Variants in VWF observed in about 807,000 individuals in gnomAD.
VWF encodes Factor VIII related antigen.
A neutral mutation model predicts 308.6 loss-of-function variants in VWF; 176 were observed. That is an observed-to-expected ratio of 0.57 (90% CI 0.50 to 0.65). VWF has a LOEUF of 0.65. Ranked by LOEUF, VWF falls within the 30% of genes least tolerant of loss-of-function variation. VWF has a pLI of 0.00. For missense variants in VWF, 3,146 were observed against 3,648.2 expected, an observed-to-expected ratio of 0.86 and a Z score of 3.55; for synonymous variants, 1,385 against 1,443.4, an observed-to-expected ratio of 0.96 and a Z score of 0.92.
chr12:6,080,116 T>C (rs567545497), intron 6 of VWF, among the ~76,000 whole-genome samples: 1 of 152,288 alleles, frequency 6.6e-6, no homozygotes, highest in East Asian at 1.9e-4. Context: ...CTCCCCACTC[T>C]GCCGAGTTAG....
chr12:6,095,627 T>C (rs373224424), intron 5 of VWF, 43 bp from the exon 6 acceptor site: 2 of 1,613,782 alleles, frequency 1.2e-6, no homozygotes, highest in Non-Finnish European at 1.7e-6. Context: ...CAGTTATGCC[T>C]GTCCCAGAAC....
intron 42 of VWF, among the ~76,000 whole-genome samples, chr12:5,976,671 C>T (rs1943536922): frequency 1.3e-5 from 2 of 152,018 alleles, no homozygotes; most frequent in African/African-American, 4.8e-5. Flanking sequence ...TGCCCACTTA[C>T]GAGCAAATTG....
chr12:5,977,535 G>A (rs1203134705), intron 42 of VWF, among the ~76,000 whole-genome samples: 1 of 152,090 alleles, frequency 6.6e-6, no homozygotes, highest in Non-Finnish European at 1.5e-5. Context: ...AAATATACAT[G>A]TATAAAATTC....
chr12:6,114,424 T>C (rs980625946), intron 3 of VWF, among the ~76,000 whole-genome samples: 1 of 152,038 alleles, frequency 6.6e-6, no homozygotes, highest in African/African-American at 2.4e-5. Context: ...GTTTGTAAAG[T>C]AAGGCCTGCA....
At chr12:5,964,269 T>TGC (rs1943368824) in intron 47 of VWF, among the ~76,000 whole-genome samples, 3 of 144,724 alleles carry the variant, frequency 2.1e-5, no homozygotes, top group African/African-American at 8.6e-5. Flanking sequence ...CATACATACA[T>TGC]ACATGCATAC....
intron 15 of VWF, 59 bp downstream of exon 15, chr12:6,056,798 G>T (rs1453983181): frequency 2.3e-6 from 3 of 1,292,958 alleles, no homozygotes; most frequent in African/African-American, 3.1e-5. Context: ...GCTTCGAAAA[G>T]CACACGTGGA....
chr12:6,057,792 TA>T, intron 14 of VWF, 56 bp downstream of exon 14: 1 of 1,546,442 alleles, frequency 6.5e-7, no homozygotes, highest in Non-Finnish European at 8.7e-7. Flanking sequence ...CGCACTGCAC[TA>T]ATGTGGAGAC....
chr12:6,049,152 C>T (rs1263407495), intron 16 of VWF, among the ~76,000 whole-genome samples: 1 of 152,220 alleles, frequency 6.6e-6, no homozygotes, highest in Non-Finnish European at 1.5e-5. Flanking sequence ...CCACTAGCAC[C>T]TGCTCCAGCG....
chr12:5,950,196 A>T (rs181319036), intron 50 of VWF, among the ~76,000 whole-genome samples: 62 of 152,134 alleles, frequency 4.1e-4, no homozygotes, highest in Non-Finnish European at 7.9e-4. Flanking sequence ...GACTCTAAAA[A>T]CCACATGGCT....
chr12:5,949,018 C>T lies in VWF; in HGVS notation c.8439G>A (p.Lys2813=), dbSNP rs138263930. 23 of 1,612,556 alleles carry T rather than the reference C, an allele frequency of 1.4e-5. No individual in the cohort carries two copies. The African/African-American group carries it at 2.8e-4, about 20-fold the overall frequency. The change falls in exon 52 of 52, where the codon AAG becomes AAA. Residue 2813 remains lysine (K), a synonymous_variant. Transcript: ENST00000261405. ...CACCCATGCAGCTGCAGCAGCCTCACTTGCTGCACTTCCTGGGGGAGCATT... is the reference window on the plus strand; with the variant it reads ...CACCCATGCAGCTGCAGCAGCCTCATTTGCTGCACTTCCTGGGGGAGCATT... ...ECKCSPRKCS[K]
chr12:6,019,347 G>C lies in VWF; in HGVS notation c.4071C>G (p.Thr1357=). 1 of 1,613,942 alleles carries C rather than the reference G, an allele frequency of 6.2e-7. No homozygotes were observed. Among genetic ancestry groups the C allele is most frequent in the Middle Eastern group, 1.7e-4 (1 of 6,056 alleles). ...ACAGTGTGTATTTCAAGACCTCGCT[G>C]GTGGAGGCCACCTGGCTGCCCGCAT... The part of the protein sequence containing the change: ...VKYAGSQVAS[T]SEVLKYTLFQ... The change falls in exon 28 of 52, where the codon ACC becomes ACG. Residue 1357 remains threonine, a synonymous_variant. Coordinates refer to ENST00000261405, the MANE Select transcript of VWF (RefSeq NM_000552.5). This position sits in a 1 kb window ranked among gnomAD's most constrained non-coding sequence, Gnocchi z 5.8.
At chr12:6,068,868 A>ATG (rs1390824486) in intron 10 of VWF, among the ~76,000 whole-genome samples, 4 of 83,714 alleles carry the variant, frequency 4.8e-5, no homozygotes, top group African/African-American at 2.2e-4. Flanking sequence ...GTGTGTGTGT[A>ATG]TGTGTGTGTG....
intron 3 of VWF, among the ~76,000 whole-genome samples, chr12:6,115,269 G>A (rs1306673475): frequency 6.6e-6 from 1 of 152,138 alleles, no homozygotes; most frequent in Non-Finnish European, 1.5e-5. Context: ...GAACTCCTGG[G>A]CTCAAGCAAT....
At chr12:5,958,021 T>C (rs895457169) in intron 47 of VWF, among the ~76,000 whole-genome samples, 24 of 151,952 alleles carry the variant, frequency 1.6e-4, no homozygotes, top group African/African-American at 5.6e-4. Flanking sequence ...TCAATCAAAG[T>C]GTACTGTGAT....
At chr12:6,061,681 T>A (rs1944656347) in intron 13 of VWF, among the ~76,000 whole-genome samples, 1 of 152,136 alleles carries the variant, frequency 6.6e-6, no homozygotes, top group Non-Finnish European at 1.5e-5. Context: ...CCAGGCATAA[T>A]CTAGCGCAGT....
At chr12:6,064,421 C>G in intron 11 of VWF, 37 bp from the exon 12 acceptor site, 2 of 1,612,372 alleles carry the variant, frequency 1.2e-6, no homozygotes, top group Non-Finnish European at 1.7e-6. Context: ...TTGCTGCACC[C>G]CCTGCCTATC....
chr12:6,014,346 G>A (rs1269741623), intron 31 of VWF, among the ~76,000 whole-genome samples: 2 of 152,176 alleles, frequency 1.3e-5, no homozygotes, highest in Non-Finnish European at 2.9e-5. Context: ...ATATTAAAGG[G>A]CCACTGCAGC....
intron 5 of VWF, among the ~76,000 whole-genome samples, chr12:6,099,440 A>G (rs1307070437): frequency 1.3e-5 from 2 of 151,990 alleles, no homozygotes; most frequent in Admixed American, 1.3e-4. Flanking sequence ...CCTCATATGG[A>G]TTTGAGATTC....
At chr12:5,965,850 G>C (rs1943395920) in intron 47 of VWF, among the ~76,000 whole-genome samples, 1 of 152,202 alleles carries the variant, frequency 6.6e-6, no homozygotes, top group African/African-American at 2.4e-5. Context: ...GATGCATAGA[G>C]GGAGGGCGAA....
Sources: allele counts gnomAD v4.1 joint callset (sites outside exome capture counted in the v4.1 genomes callset), GRCh38; gene constraint gnomAD v4.1.1; non-coding constraint Gnocchi (gnomAD v3.1); transcripts MANE v1.5; gene names NCBI Gene and HGNC (gene_info 2026-07-23, HGNC 2026-07-21).